Variants in ADAMTS2 observed in about 807,000 individuals in gnomAD.
The protein encoded by ADAMTS2 is A disintegrin and metalloproteinase with thrombospondin motifs 2.
ADAMTS2 carries 50 observed loss-of-function variants against 123.0 expected under a neutral mutation model. The ratio of observed to expected loss-of-function variants is 0.41; its 90% CI spans 0.32 to 0.51. ADAMTS2 has a LOEUF of 0.51. Among genes scored for constraint, ADAMTS2 ranks in the 20% least tolerant of loss-of-function variants. The probability of loss-of-function intolerance (pLI) is 0.35; values close to 1 mark genes in which losing one functional copy is unlikely to be tolerated. For missense variants in ADAMTS2, 1,494 were observed against 1,705.2 expected (o/e 0.88, Z 2.18); for synonymous variants, 678 against 695.4 (o/e 0.98, Z 0.39).
At chr5:179,159,065 G>C (rs997989787) in intron 5 of ADAMTS2, among the ~76,000 whole-genome samples, 186 bp from the exon 6 acceptor site, 1 of 152,230 alleles carries the variant, frequency 6.6e-6, no homozygotes, top group African/African-American at 2.4e-5. Flanking sequence ...GGGAAGAAAA[G>C]TTTCCCCAGT....
chr5:179,274,091 C>T (rs1766624989), intron 2 of ADAMTS2, among the ~76,000 whole-genome samples: 1 of 151,742 alleles, frequency 6.6e-6, no homozygotes, highest in African/African-American at 2.4e-5. Flanking sequence ...TCCTGCCCTC[C>T]CCTGCCATCC....
At chr5:179,208,625 A>C (rs1358528852) in intron 3 of ADAMTS2, among the ~76,000 whole-genome samples, 1 of 152,050 alleles carries the variant, frequency 6.6e-6, no homozygotes, top group Non-Finnish European at 1.5e-5. Context: ...ACCACCCTGG[A>C]CCAGGCTTCA....
chr5:179,328,676 T>C (rs939946490), intron 2 of ADAMTS2, among the ~76,000 whole-genome samples: 2 of 152,248 alleles, frequency 1.3e-5, no homozygotes, highest in Non-Finnish European at 2.9e-5. Flanking sequence ...CCAGGTATTC[T>C]GAGTAAATAA....
chr5:179,270,357 G>A (rs569468500), intron 3 of ADAMTS2, among the ~76,000 whole-genome samples: 48 of 152,202 alleles, frequency 3.2e-4, no homozygotes, highest in African/African-American at 6.5e-4. Context: ...CACCTTCCCC[G>A]GCAGAACATA....
chr5:179,339,435 G>T (rs1329491598), intron 2 of ADAMTS2, among the ~76,000 whole-genome samples: 1 of 152,202 alleles, frequency 6.6e-6, no homozygotes, highest in African/African-American at 2.4e-5. Context: ...ATTCAGCCAG[G>T]CCTGAAGCCA....
chr5:179,248,782 C>T (rs1765857451), intron 3 of ADAMTS2, among the ~76,000 whole-genome samples: 1 of 151,990 alleles, frequency 6.6e-6, no homozygotes, highest in Non-Finnish European at 1.5e-5. Flanking sequence ...GACCATTTTA[C>T]AATAATAGCT....
intron 4 of ADAMTS2, among the ~76,000 whole-genome samples, chr5:179,198,247 G>A (rs1436808934): frequency 2.6e-5 from 4 of 152,222 alleles, no homozygotes. Flanking sequence ...AGAGTAGAAA[G>A]CTGGGAGGAG....
intron 3 of ADAMTS2, among the ~76,000 whole-genome samples, chr5:179,210,142 C>A (rs1354513943): frequency 1.3e-5 from 2 of 152,234 alleles, no homozygotes; most frequent in African/African-American, 4.8e-5. Context: ...AATTGAGGGG[C>A]CACACCTGGA....
At chr5:179,238,196 C>T (rs1221196319) in intron 3 of ADAMTS2, among the ~76,000 whole-genome samples, 1 of 152,228 alleles carries the variant, frequency 6.6e-6, no homozygotes, top group Non-Finnish European at 1.5e-5. Context: ...GAACTTGGAG[C>T]TGCTCTAGTT....
chr5:179,334,993 T>C (rs1378947525), intron 2 of ADAMTS2, among the ~76,000 whole-genome samples: 2 of 152,222 alleles, frequency 1.3e-5, no homozygotes, highest in African/African-American at 4.8e-5. Context: ...ATTCCTCCTT[T>C]AATTAGTTTC....
At chr5:179,136,794 C>A (rs1763073843) in intron 12 of ADAMTS2, among the ~76,000 whole-genome samples, 3 of 150,958 alleles carry the variant, frequency 2.0e-5, no homozygotes, top group Admixed American at 2.0e-4. Context: ...CATGGTGAAA[C>A]CCTGTCTCTA....
rs1762637025 is a variant in ADAMTS2 at position 179,115,113 on chromosome 5, C to T, written c.3179-789G>A. On this transcript the variant is annotated intron_variant, in intron 21 of 21. Transcript: ENST00000251582. The surrounding 1 kb of genome is among the most constrained non-coding windows in gnomAD (Gnocchi z 4.4). ...CCCTGCACATCTTTCTCTTTCCTTTCCACCCAAGAAACTGGTCATCTGTGG... is the reference window on the plus strand; with the variant it reads ...CCCTGCACATCTTTCTCTTTCCTTTTCACCCAAGAAACTGGTCATCTGTGG... 6.6e-6 allele frequency among the ~76,000 whole-genome samples: 1 copy of T among 152,162 alleles called. No homozygotes were observed. Among genetic ancestry groups the T allele is most frequent in the African/African-American group, 2.4e-5 (1 of 41,438 alleles).
At position 179,303,763 on chromosome 5, in the gene ADAMTS2, G is replaced by A. The variant is rs1756597838; in HGVS notation, c.535-30699C>T. 6.6e-6 allele frequency among the ~76,000 whole-genome samples: 1 copy of A among 152,218 alleles called. No individual in the cohort carries two copies. The highest frequency in any genetic ancestry group is 6.5e-5 in the Admixed American group (1 of 15,282). On this transcript the variant is annotated intron_variant, in intron 2 of 21. Coordinates refer to ENST00000251582, the MANE Select transcript of ADAMTS2 (RefSeq NM_014244.5). The surrounding 1 kb of genome is among the most constrained non-coding windows in gnomAD (Gnocchi z 4.7). ...GGAAGTGCTGTGGTCCTAGAAAGGT[G>A]GAGTGAAACCCCATTGCTCTTTCCT...
chr5:179,204,614 C>T (rs766846319), intron 4 of ADAMTS2, among the ~76,000 whole-genome samples: 5 of 152,200 alleles, frequency 3.3e-5, no homozygotes, highest in South Asian at 2.1e-4. Context: ...CCAAAGGGTC[C>T]GACATAGCTT....
chr5:179,192,135 G>A (rs1764319576), intron 4 of ADAMTS2, among the ~76,000 whole-genome samples: 2 of 152,208 alleles, frequency 1.3e-5, no homozygotes, highest in African/African-American at 2.4e-5. Context: ...CCCTGGCAGA[G>A]CAGGTATGAA....
rs1561624171 is a variant in ADAMTS2, at chr5:179,242,728, T to A, written c.688+30183A>T. 6.6e-6 allele frequency among the ~76,000 whole-genome samples: 1 copy of A among 152,172 alleles called. No individual in the cohort carries two copies. The highest frequency in any genetic ancestry group is 1.5e-5 in the Non-Finnish European group (1 of 68,040). ...TGGGGAGTTCCACTCTGGGGGTGTGTGGCCAAGAACACAGGGCTCCCTCTT... is the reference window on the plus strand; with the variant it reads ...TGGGGAGTTCCACTCTGGGGGTGTGAGGCCAAGAACACAGGGCTCCCTCTT... On this transcript the variant is annotated intron_variant, in intron 3 of 21. Transcript: ENST00000251582. The surrounding 1 kb of genome is among the most constrained non-coding windows in gnomAD (Gnocchi z 4.2).
chr5:179,224,218 G>A (rs1765217974), intron 3 of ADAMTS2, among the ~76,000 whole-genome samples: 1 of 152,180 alleles, frequency 6.6e-6, no homozygotes, highest in South Asian at 2.1e-4. Context: ...CAGCCATGCG[G>A]TGGGTGCACG....
intron 21 of ADAMTS2, 29 bp from the exon 22 acceptor site, chr5:179,114,353 A>G (rs962934152): frequency 6.3e-7 from 1 of 1,599,938 alleles, no homozygotes; most frequent in African/African-American, 1.3e-5. Flanking sequence ...ACAAATAACC[A>G]AAGGACAAGA....
At chr5:179,208,844 C>A (rs1764782150) in intron 3 of ADAMTS2, among the ~76,000 whole-genome samples, 1 of 152,218 alleles carries the variant, frequency 6.6e-6, no homozygotes, top group African/African-American at 2.4e-5. Flanking sequence ...TCCTCAGAGA[C>A]TCCTGGCCCG....
Sources: allele counts gnomAD v4.1 joint callset (sites outside exome capture counted in the v4.1 genomes callset), GRCh38; gene constraint gnomAD v4.1.1; non-coding constraint Gnocchi (gnomAD v3.1); transcripts MANE v1.5; gene names NCBI Gene and HGNC (gene_info 2026-07-23, HGNC 2026-07-21).